LHFPL4: variants seen among roughly 807,000 people sequenced by gnomAD.
The protein encoded by LHFPL4 is LHFPL tetraspan subfamily member 4, also known as LHFPL tetraspan subfamily member 4 protein.
LHFPL4 carries 6 observed loss-of-function variants against 20.0 expected under a neutral mutation model. That is an observed-to-expected ratio of 0.30 (90% CI 0.16 to 0.59). The LOEUF is 0.59. Among genes scored for constraint, LHFPL4 ranks in the 20% least tolerant of loss-of-function variants. The pLI is 0.88. For missense variants in LHFPL4, 215 were observed against 331.2 expected (o/e 0.65, Z 2.72); for synonymous variants, 129 against 143.8 (o/e 0.90, Z 0.74).
At chr3:9,517,329 C>T (rs2046310019) in intron 2 of LHFPL4, among the ~76,000 whole-genome samples, 1 of 152,082 alleles carries the variant, frequency 6.6e-6, no homozygotes, top group African/African-American at 2.4e-5. Context: ...ATGAGTCTTC[C>T]TACCCATGAA....
At chr3:9,510,666 G>A (rs6805868) in intron 2 of LHFPL4, among the ~76,000 whole-genome samples, 46,091 of 151,962 alleles carry the variant, frequency 0.3, 7,389 homozygotes, top group Non-Finnish European at 0.36. Context: ...GGCCCGGCGC[G>A]ATGGCTCATG....
intron 2 of LHFPL4, among the ~76,000 whole-genome samples, chr3:9,516,228 C>T (rs2046300226): frequency 1.3e-5 from 2 of 152,076 alleles, no homozygotes; most frequent in Non-Finnish European, 2.9e-5. Flanking sequence ...ACAGGTTTCA[C>T]ATTTATGTCT....
At chr3:9,520,815 T>C (rs2046332582) in intron 2 of LHFPL4, among the ~76,000 whole-genome samples, 1 of 152,168 alleles carries the variant, frequency 6.6e-6, no homozygotes. Flanking sequence ...TGTTAAGGTG[T>C]GTTTTTTGGT....
At chr3:9,519,914 C>A (rs973391446) in intron 2 of LHFPL4, among the ~76,000 whole-genome samples, 1 of 152,090 alleles carries the variant, frequency 6.6e-6, no homozygotes, top group East Asian at 1.9e-4. Flanking sequence ...CTACTTTGGC[C>A]TCCCAAAGTG....
At chr3:9,546,634 CT>C (rs2046515401) in intron 2 of LHFPL4, among the ~76,000 whole-genome samples, 1 of 152,200 alleles carries the variant, frequency 6.6e-6, no homozygotes, top group Non-Finnish European at 1.5e-5. Flanking sequence ...GTCCTTACAT[CT>C]TTAAAATGAG....
At chr3:9,521,707 CTTT>C in intron 2 of LHFPL4, among the ~76,000 whole-genome samples, 1 of 149,472 alleles carries the variant, frequency 6.7e-6, no homozygotes, top group Non-Finnish European at 1.5e-5. Context: ...CCAGCCTCCA[CTTT>C]TTTTTTTATT....
chr3:9,504,420 G>A (rs1273872607), intron 3 of LHFPL4, among the ~76,000 whole-genome samples: 1 of 149,854 alleles, frequency 6.7e-6, no homozygotes, highest in African/African-American at 2.5e-5. Context: ...CCCATAATTT[G>A]CATATACCTC....
chr3:9,505,942 G>GC (rs1475733344), intron 3 of LHFPL4, 25 bp downstream of exon 3: 1 of 1,602,272 alleles, frequency 6.2e-7, no homozygotes, highest in South Asian at 1.1e-5. Context: ...TCCCGCCGCT[G>GC]CCCCCCAGCC....
intron 2 of LHFPL4, among the ~76,000 whole-genome samples, chr3:9,549,533 T>C (rs1450684213): frequency 1.3e-5 from 2 of 152,018 alleles, no homozygotes; most frequent in Non-Finnish European, 2.9e-5. Context: ...CCATCTCTAC[T>C]AAAAATACAA....
intron 2 of LHFPL4, among the ~76,000 whole-genome samples, chr3:9,517,855 C>G (rs1274632134): frequency 1.5e-5 from 2 of 133,018 alleles, no homozygotes; most frequent in African/African-American, 2.8e-5. Flanking sequence ...CATAGATGAT[C>G]ATATCATCTA....
intron 2 of LHFPL4, chr3:9,550,677 A>G (rs1349932188): frequency 6.6e-6 from 1 of 152,214 alleles, no homozygotes; most frequent in Non-Finnish European, 1.5e-5. Context: ...GAAATAGAAT[A>G]GAAATACATA....
chr3:9,528,122 A>C (rs1203989959), intron 2 of LHFPL4, among the ~76,000 whole-genome samples: 2 of 152,226 alleles, frequency 1.3e-5, no homozygotes, highest in African/African-American at 4.8e-5. Flanking sequence ...TTCTGAAAAT[A>C]AGATAACAAC....
chr3:9,504,341 G>T (rs913343271), intron 3 of LHFPL4, among the ~76,000 whole-genome samples: 1 of 149,048 alleles, frequency 6.7e-6, no homozygotes, highest in Non-Finnish European at 1.5e-5. Flanking sequence ...CCGTGCCACT[G>T]CACTCCACCC....
intron 3 of LHFPL4, 41 bp downstream of exon 3, chr3:9,505,926 C>A (rs1292384196): frequency 1.9e-6 from 3 of 1,564,094 alleles, no homozygotes; most frequent in Non-Finnish European, 2.6e-6. Context: ...CAGGACCAGG[C>A]CTGGCTCCCG....
chr3:9,542,075 C>G (rs1011934456), intron 2 of LHFPL4, among the ~76,000 whole-genome samples: 1 of 152,004 alleles, frequency 6.6e-6, no homozygotes, highest in Admixed American at 6.6e-5. Context: ...CACCTGAGGT[C>G]GAGAGATCGA....
chr3:9,540,505 A>G (rs2046470485), intron 2 of LHFPL4, among the ~76,000 whole-genome samples: 1 of 152,236 alleles, frequency 6.6e-6, no homozygotes, highest in Admixed American at 6.5e-5. Context: ...AGGACATAAA[A>G]GGCAGTGTGA....
chr3:9,510,174 G>C (rs1382128848), intron 2 of LHFPL4, among the ~76,000 whole-genome samples: 1 of 152,170 alleles, frequency 6.6e-6, no homozygotes, highest in Non-Finnish European at 1.5e-5. Context: ...TGTCAGTTGG[G>C]CATGGGTGGC....
At chr3:9,549,558 G>A (rs544876240) in intron 2 of LHFPL4, among the ~76,000 whole-genome samples, 11 of 152,240 alleles carry the variant, frequency 7.2e-5, no homozygotes, top group South Asian at 4.1e-4. Flanking sequence ...TTAGCCAGGC[G>A]TTGTGGCAGG....
At chr3:9,523,070 A>ATG (rs375049117) in intron 2 of LHFPL4, among the ~76,000 whole-genome samples, 1 of 103,368 alleles carries the variant, frequency 9.7e-6, no homozygotes, top group Non-Finnish European at 1.8e-5. Context: ...AAAGAAAGAA[A>ATG]GAAAAGGAAG....
Sources: allele counts gnomAD v4.1 joint callset (sites outside exome capture counted in the v4.1 genomes callset), GRCh38; gene constraint gnomAD v4.1.1; transcripts MANE v1.5; gene names NCBI Gene and HGNC (gene_info 2026-07-23, HGNC 2026-07-21).